KCNJ6: variants seen among roughly 807,000 people sequenced by gnomAD.
KCNJ6 encodes the protein potassium inwardly rectifying channel subfamily J member 6.
KCNJ6 carries 9 observed loss-of-function variants against 34.2 expected under a neutral mutation model. That is an observed-to-expected ratio of 0.26 (90% CI 0.16 to 0.46). The LOEUF (loss-of-function observed/expected upper bound fraction) is 0.46. Among genes scored for constraint, KCNJ6 ranks in the 20% least tolerant of loss-of-function variants. The pLI, the probability that KCNJ6 is intolerant of heterozygous loss-of-function variation, is 1.00. For synonymous variants in KCNJ6, 196 were observed against 207.1 expected (o/e 0.95, Z 0.46); for missense variants, 236 against 531.3 (o/e 0.44, Z 5.46).
In KCNJ6 at chr21:37,666,232, C is replaced by G. The variant is rs571083823; in HGVS notation, c.947-40748G>C. 1.1e-3 allele frequency among the ~76,000 whole-genome samples: 169 copies of G among 152,274 alleles called. 1 individual carries two copies. Among genetic ancestry groups the G allele is most frequent in the Non-Finnish European group, 2.8e-4 (19 of 68,028 alleles). Reference sequence around the variant, plus strand: ...GAATGGCAAGGTCAGCTTCTAGTGGCCCAAGAACCCCTAGTTCTGGCTTCC... The same window carrying G: ...GAATGGCAAGGTCAGCTTCTAGTGGGCCAAGAACCCCTAGTTCTGGCTTCC... On this transcript the variant is annotated intron_variant, in intron 3 of 3. Coordinates refer to ENST00000609713, the MANE Select transcript of KCNJ6 (RefSeq NM_002240.5).
chr21:37,704,090 G>A (rs1054103074), intron 3 of KCNJ6, among the ~76,000 whole-genome samples: 1 of 152,222 alleles, frequency 6.6e-6, no homozygotes, highest in African/African-American at 2.4e-5. Flanking sequence ...AGCCTTGGGG[G>A]TATGGGGTAA....
At chr21:37,667,449 C>T (rs4816574) in intron 3 of KCNJ6, among the ~76,000 whole-genome samples, 63,580 of 151,544 alleles carry the variant, frequency 0.42, 13,382 homozygotes, top group African/African-American at 0.47. Context: ...CTTGGAATGA[C>T]TCAATAGGAC....
chr21:37,894,200 T>C (rs2055776648), intron 1 of KCNJ6, among the ~76,000 whole-genome samples: 1 of 152,222 alleles, frequency 6.6e-6, no homozygotes, highest in South Asian at 2.1e-4. Flanking sequence ...TTAGCAGATA[T>C]GTGGAAGTTA....
intron 2 of KCNJ6, among the ~76,000 whole-genome samples, chr21:37,758,356 T>A (rs1405768956): frequency 6.6e-6 from 1 of 152,188 alleles, no homozygotes; most frequent in African/African-American, 2.4e-5. Context: ...TTGGGAGAAG[T>A]TACCCTGCGC....
intron 2 of KCNJ6, among the ~76,000 whole-genome samples, chr21:37,813,122 T>G (rs931020532): frequency 7.9e-5 from 12 of 152,138 alleles, no homozygotes; most frequent in Non-Finnish European, 1.6e-4. Flanking sequence ...ATGGCAACAG[T>G]GAATAATCTA....
rs543503469 is a variant in KCNJ6, at chr21:37,727,111, C to T, written c.26-11980G>A. Among the ~76,000 whole-genome samples, 162 of 152,270 alleles carry T rather than the reference C, an allele frequency of 1.1e-3. 1 individual carries two copies. Among genetic ancestry groups the T allele is most frequent in the African/African-American group, 3.0e-3 (125 of 41,540 alleles). On this transcript the variant is annotated intron_variant, in intron 2 of 3. Transcript: ENST00000609713. ...ATGTGGTCTCAAGCCAAGGAACACC[C>T]GGAGCCAACAGAAGCTGGAAGAGGC...
At chr21:37,826,225 C>CT (rs1367749749) in intron 2 of KCNJ6, among the ~76,000 whole-genome samples, 14 of 152,116 alleles carry the variant, frequency 9.2e-5, no homozygotes, top group African/African-American at 3.4e-4. Context: ...CGAATAGTTA[C>CT]TTTTTTTGTT....
intron 1 of KCNJ6, among the ~76,000 whole-genome samples, chr21:37,913,418 A>C (rs993610309): frequency 6.6e-6 from 1 of 152,160 alleles, no homozygotes; most frequent in Non-Finnish European, 1.5e-5. Context: ...TCTTGCTAAC[A>C]AACTCTCTCT....
intron 2 of KCNJ6, among the ~76,000 whole-genome samples, chr21:37,798,891 A>C (rs1206127546): frequency 3.3e-5 from 5 of 152,232 alleles, no homozygotes; most frequent in African/African-American, 1.2e-4. Context: ...TAAATGGGTG[A>C]ATCGTACGGC....
In KCNJ6 at chr21:37,788,417, A is replaced by C. The variant is rs916024150; in HGVS notation, c.25+52241T>G. On this transcript the variant is annotated intron_variant, in intron 2 of 3. Transcript: ENST00000609713. The stretch of plus-strand genomic sequence containing the variant: ...TAATGTCCTTCTTATTCGTCCCCCC[A>C]CATTTGCTCAGCATACTTCCTATAA... Among the ~76,000 whole-genome samples, 6 of 152,128 alleles carry C rather than the reference A, an allele frequency of 3.9e-5. 1 individual carries two copies. Among genetic ancestry groups the C allele is most frequent in the Admixed American group, 2.6e-4 (4 of 15,282 alleles).
chr21:37,742,180 A>T (rs2054944462), intron 2 of KCNJ6, among the ~76,000 whole-genome samples: 1 of 152,196 alleles, frequency 6.6e-6, no homozygotes, highest in African/African-American at 2.4e-5. Flanking sequence ...AAATCAGGGA[A>T]ATTTGGTTAT....
At chr21:37,630,134 C>CTGTGTGTGTGTGTGTG (rs10527592) in intron 3 of KCNJ6, among the ~76,000 whole-genome samples, 2,199 of 144,232 alleles carry the variant, frequency 0.015, 34 homozygotes, top group African/African-American at 0.028. Flanking sequence ...GATGACATCT[C>CTGTGTGTGTGTGTGTG]TGTGTGTGTG....
intron 3 of KCNJ6, among the ~76,000 whole-genome samples, chr21:37,684,855 T>C (rs1783053): frequency 2.6e-5 from 4 of 152,160 alleles, no homozygotes; most frequent in African/African-American, 9.7e-5. Context: ...AATGACTTTA[T>C]GTGAATTTTA....
intron 2 of KCNJ6, among the ~76,000 whole-genome samples, chr21:37,716,574 G>A (rs2054792591): frequency 1.3e-5 from 2 of 151,600 alleles, no homozygotes; most frequent in East Asian, 3.9e-4. Flanking sequence ...TGGAGACGGG[G>A]GTCTCACTAT....
Position 37,863,874 on chromosome 21 carries a change from T to TTTTTTTTTTTC in KCNJ6, c.-27-23166_-27-23165insGAAAAAAAAAA, listed in dbSNP as rs1239573568. On this transcript the variant is annotated intron_variant, in intron 1 of 3. Coordinates refer to ENST00000609713, the MANE Select transcript of KCNJ6 (RefSeq NM_002240.5). ...TTTTTTTTTTTGTTTTTTTTTTTTT[T>TTTTTTTTTTTC]TGGTGAAGAGAGAGAAGGTGAGCTT... Among the ~76,000 whole-genome samples the TTTTTTTTTTTC allele has an allele frequency of 1.2e-3, 170 of 145,640 alleles. 6 individuals carry two copies. Among genetic ancestry groups the TTTTTTTTTTTC allele is most frequent in the Non-Finnish European group, 2.1e-3 (139 of 66,566 alleles).
chr21:37,816,343 G>T (rs2055346858), intron 2 of KCNJ6, among the ~76,000 whole-genome samples: 1 of 152,174 alleles, frequency 6.6e-6, no homozygotes, highest in Non-Finnish European at 1.5e-5. Flanking sequence ...CTATTGCAAG[G>T]GCTTGGGGTT....
chr21:37,802,316 TG>T (rs1236977204), intron 2 of KCNJ6, among the ~76,000 whole-genome samples: 1 of 152,182 alleles, frequency 6.6e-6, no homozygotes, highest in East Asian at 1.9e-4. Flanking sequence ...TCCTAACCCC[TG>T]GGACCCGTGA....
chr21:37,870,884 C>T (rs915724234), intron 1 of KCNJ6, among the ~76,000 whole-genome samples: 2 of 152,206 alleles, frequency 1.3e-5, no homozygotes, highest in Non-Finnish European at 2.9e-5. Flanking sequence ...GGCCTGACTA[C>T]TCATGTGAGC....
intron 3 of KCNJ6, among the ~76,000 whole-genome samples, chr21:37,708,973 C>A (rs1358105166): frequency 3.3e-5 from 5 of 152,120 alleles, no homozygotes; most frequent in Non-Finnish European, 7.4e-5. Context: ...GGAAATCAGA[C>A]CTGACAGAAC....
Sources: allele counts gnomAD v4.1 joint callset (sites outside exome capture counted in the v4.1 genomes callset), GRCh38; gene constraint gnomAD v4.1.1; transcripts MANE v1.5; gene names NCBI Gene and HGNC (gene_info 2026-07-23, HGNC 2026-07-21).